MICU1: variants seen among roughly 807,000 people sequenced by gnomAD.
MICU1 encodes mitochondrial calcium uptake 1.
Under a neutral mutation model 56.8 loss-of-function variants are expected in MICU1, and 45 were observed. The observed-to-expected ratio is 0.79, with a 90% confidence interval of 0.62 to 1.02. MICU1 has a LOEUF of 1.02. MICU1 is among the 50% of genes least tolerant of loss of function. The pLI is 0.00. For missense variants in MICU1, 504 were observed against 587.1 expected (o/e 0.86, Z 1.46); for synonymous variants, 186 against 195.1 (o/e 0.95, Z 0.39).
At chr10:72,433,162 A>G (rs966993142) in intron 8 of MICU1, among the ~76,000 whole-genome samples, 2 of 148,712 alleles carry the variant, frequency 1.3e-5, no homozygotes, top group African/African-American at 5.0e-5. Context: ...CTGGTCTTGA[A>G]CTCCTGACCT....
intron 3 of MICU1, among the ~76,000 whole-genome samples, chr10:72,559,431 A>T (rs901204610): frequency 1.3e-5 from 2 of 151,814 alleles, no homozygotes; most frequent in Non-Finnish European, 2.9e-5. Flanking sequence ...TACAGACTAT[A>T]TAATTTTATA....
Position 72,477,269 on chromosome 10 carries a change from G to GAAAAAAA in MICU1, c.653-20_653-14dup. On this transcript the variant is annotated splice_polypyrimidine_tract_variant and intron_variant, in intron 6 of 11. Transcript: ENST00000361114. ...TTTCTCTGAGGAGCTGCAGAGGAGA[G>GAAAAAAA]AAAAAAAATATTTAGAAGGCATTGA... 6.6e-7 allele frequency: 1 copy of GAAAAAAA among 1,519,570 alleles called. No homozygotes were observed. Among genetic ancestry groups the GAAAAAAA allele is most frequent in the Non-Finnish European group, 8.8e-7 (1 of 1,135,544 alleles). The allele number at this position is 1,519,570 out of a possible 1,614,324, so 94.1% of individuals were successfully genotyped here. A position where few individuals can be genotyped will look rare whatever the true frequency, so the allele number is the denominator to read the frequency against.
In MICU1 at chr10:72,610,335, A is replaced by G. The variant is rs573367543; in HGVS notation, c.-2+15675T>C. On this transcript the variant is annotated intron_variant, in intron 1 of 11. Transcript: ENST00000361114. ...ACGACACTTTTTTTAAAGAAAAAAT[A>G]TATCTAGTCCAAATTATGTGGAATA... is the stretch of plus-strand genomic sequence containing the variant. Among the ~76,000 whole-genome samples the G allele has an allele frequency of 2.5e-4, 37 of 147,284 alleles. 1 individual carries two copies. The South Asian group carries it at 4.6e-3, about 18-fold the overall frequency.
intron 8 of MICU1, among the ~76,000 whole-genome samples, chr10:72,445,855 T>C (rs1291120221): frequency 6.6e-6 from 1 of 152,190 alleles, no homozygotes; most frequent in African/African-American, 2.4e-5. Context: ...TAAAGTTAGA[T>C]AATAGATGTG....
chr10:72,441,615 C>CTTT (rs71018287), intron 8 of MICU1, among the ~76,000 whole-genome samples: 41,957 of 105,224 alleles, frequency 0.4, 11,263 homozygotes, highest in Non-Finnish European at 0.57. Context: ...TTTAATTTTT[C>CTTT]TTTTTTTTTT....
intron 8 of MICU1, among the ~76,000 whole-genome samples, chr10:72,431,094 G>GTCTGTCTATCTA (rs1554867912): frequency 0.021 from 2,990 of 141,366 alleles, 60 homozygotes; most frequent in East Asian, 0.077. Flanking sequence ...TTATCTGTCT[G>GTCTGTCTATCTA]TCTATCTATC....
chr10:72,451,077 T>C lies in MICU1; in HGVS notation c.933+24023A>G, dbSNP rs540435981. On this transcript the variant is annotated intron_variant, in intron 8 of 11. Coordinates refer to ENST00000361114, the MANE Select transcript of MICU1 (RefSeq NM_001195518.2). ...GTCTTGCTCTGTTGCCAGACTGGAA[T>C]ACAGTGTCATGATCTCAGCTCACTG... Among the ~76,000 whole-genome samples the C allele has an allele frequency of 1.8e-3, 257 of 141,184 alleles. 1 individual carries two copies. The highest frequency in any genetic ancestry group is 6.4e-3 in the African/African-American group (242 of 37,780). 92.6% of individuals were successfully genotyped at this position (141,184 alleles called of 152,430 possible).
At chr10:72,611,301 T>TA (rs57100556) in intron 1 of MICU1, among the ~76,000 whole-genome samples, 10,236 of 135,924 alleles carry the variant, frequency 0.075, 530 homozygotes, top group African/African-American at 0.16. Flanking sequence ...AGACTCCCTT[T>TA]AAAAAAAAAA....
intron 6 of MICU1, among the ~76,000 whole-genome samples, chr10:72,497,103 A>C (rs1001650426): frequency 2.6e-5 from 4 of 151,444 alleles, no homozygotes; most frequent in African/African-American, 9.7e-5. Context: ...TCCGTCGCCC[A>C]GGCTGGAGTG....
chr10:72,563,292 G>A (rs1014617513), intron 2 of MICU1, among the ~76,000 whole-genome samples: 1 of 152,278 alleles, frequency 6.6e-6, no homozygotes, highest in East Asian at 1.9e-4. Flanking sequence ...GTTCACAGCA[G>A]CACTATGCAC....
At chr10:72,443,387 T>C (rs1865003399) in intron 8 of MICU1, among the ~76,000 whole-genome samples, 1 of 152,262 alleles carries the variant, frequency 6.6e-6, no homozygotes, top group Admixed American at 6.5e-5. Flanking sequence ...AGATCCCATT[T>C]GTCAATTTTG....
chr10:72,457,699 GGA>G (rs760202222), intron 8 of MICU1, among the ~76,000 whole-genome samples: 73 of 151,912 alleles, frequency 4.8e-4, no homozygotes, highest in African/African-American at 1.4e-3. Flanking sequence ...GGAGGGAGAG[GGA>G]GAGAGAGAAA....
chr10:72,495,525 G>T (rs150265418), intron 6 of MICU1, among the ~76,000 whole-genome samples: 1 of 151,876 alleles, frequency 6.6e-6, no homozygotes, highest in East Asian at 1.9e-4. Context: ...GCGTGGTGGC[G>T]GGTGCCTGTA....
At chr10:72,384,142 C>T (rs1052528021) in intron 10 of MICU1, among the ~76,000 whole-genome samples, 1 of 152,104 alleles carries the variant, frequency 6.6e-6, no homozygotes, top group Non-Finnish European at 1.5e-5. Context: ...TACAGGCTCG[C>T]GCCACCATGC....
intron 4 of MICU1, among the ~76,000 whole-genome samples, chr10:72,542,891 C>G (rs7899516): frequency 0.57 from 86,131 of 152,028 alleles, 25,711 homozygotes; most frequent in Non-Finnish European, 0.67. Flanking sequence ...AGCAGGAAGG[C>G]GAGCTGGAAA....
At chr10:72,457,772 A>G (rs1389569433) in intron 8 of MICU1, among the ~76,000 whole-genome samples, 1 of 152,174 alleles carries the variant, frequency 6.6e-6, no homozygotes, top group African/African-American at 2.4e-5. Context: ...ACCACAACAA[A>G]AAAACACCAA....
chr10:72,481,067 A>G (rs557114155), intron 6 of MICU1, among the ~76,000 whole-genome samples: 2 of 152,308 alleles, frequency 1.3e-5, no homozygotes, highest in Admixed American at 1.3e-4. Flanking sequence ...TGCTGAGGCA[A>G]GCTGGGCTGC....
intron 1 of MICU1, among the ~76,000 whole-genome samples, chr10:72,606,655 T>C (rs1179882220): frequency 6.6e-6 from 1 of 152,056 alleles, no homozygotes; most frequent in African/African-American, 2.4e-5. Flanking sequence ...CTAAGAACTT[T>C]GAAACCTCTG....
At chr10:72,373,115 C>G (rs867365859) in intron 11 of MICU1, among the ~76,000 whole-genome samples, 1 of 151,042 alleles carries the variant, frequency 6.6e-6, no homozygotes, top group Admixed American at 6.6e-5. Flanking sequence ...ATTCTAAAAT[C>G]TGTGATGAAG....
Sources: allele counts gnomAD v4.1 joint callset (sites outside exome capture counted in the v4.1 genomes callset), GRCh38; gene constraint gnomAD v4.1.1; transcripts MANE v1.5; gene names NCBI Gene and HGNC (gene_info 2026-07-23, HGNC 2026-07-21).